The following XYLT1 variants were observed in gnomAD, a reference collection of about 807,000 sequenced individuals.
XYLT1 encodes the protein xylosyltransferase 1.
Under a neutral mutation model 91.3 loss-of-function variants are expected in XYLT1, and 36 were observed. The observed-to-expected ratio is 0.39, with a 90% CI of 0.30 to 0.52. The LOEUF (loss-of-function observed/expected upper bound fraction) is 0.52. Among genes scored for constraint, XYLT1 ranks in the 20% least tolerant of loss-of-function variants. XYLT1 has a pLI of 0.68. For synonymous variants in XYLT1, 588 were observed against 532.0 expected (o/e 1.11, Z -1.45); for missense variants, 1,242 against 1,284.5 (o/e 0.97, Z 0.51).
rs553381965 is a variant in XYLT1, at chr16:17,186,971, C to T, written c.1289+11241G>A. On this transcript the variant is annotated intron_variant, in intron 5 of 11. Transcript: ENST00000261381. ...AATACGCAAGGTGCAGATGGAGCAG[C>T]AAGGAAGGGGGCACACAGGCTTCCA... is the stretch of plus-strand genomic sequence containing the variant. Among the ~76,000 whole-genome samples the T allele has an allele frequency of 1.3e-3, 201 of 152,202 alleles. 6 individuals are homozygous for T. In the South Asian group the frequency reaches 0.04, roughly 31 times the overall value.
intron 6 of XYLT1, among the ~76,000 whole-genome samples, chr16:17,155,050 G>A (rs940340058): frequency 6.6e-6 from 1 of 152,132 alleles, no homozygotes; most frequent in African/African-American, 2.4e-5. Context: ...TTTTTCAAAG[G>A]GAGAAAATGA....
intron 2 of XYLT1, among the ~76,000 whole-genome samples, chr16:17,356,157 A>G (rs2035292027): frequency 6.6e-6 from 1 of 152,128 alleles, no homozygotes; most frequent in Non-Finnish European, 1.5e-5. Context: ...GACGTTGCCA[A>G]ATAACCACTG....
intron 2 of XYLT1, among the ~76,000 whole-genome samples, chr16:17,330,516 G>A (rs1329797213): frequency 2.6e-5 from 4 of 152,156 alleles, no homozygotes; most frequent in Non-Finnish European, 4.4e-5. Context: ...GCCAGGCATG[G>A]TGGCTCACAC....
intron 3 of XYLT1, among the ~76,000 whole-genome samples, chr16:17,228,203 G>C (rs905381809): frequency 2.0e-5 from 3 of 152,204 alleles, no homozygotes; most frequent in African/African-American, 7.2e-5. Context: ...AAATGAGAAA[G>C]ACAGCTCCTT....
chr16:17,375,952 C>T (rs2035595699), intron 1 of XYLT1, among the ~76,000 whole-genome samples: 1 of 152,244 alleles, frequency 6.6e-6, no homozygotes, highest in African/African-American at 2.4e-5. Flanking sequence ...CATCACTGCA[C>T]CACCATTACC....
At chr16:17,391,006 C>T (rs1050723571) in intron 1 of XYLT1, among the ~76,000 whole-genome samples, 13 of 152,138 alleles carry the variant, frequency 8.5e-5, no homozygotes, top group African/African-American at 2.9e-4. Flanking sequence ...CCATTGCACT[C>T]CAGCATGGGC....
intron 3 of XYLT1, chr16:17,250,698 A>G (rs928099946): frequency 6.6e-6 from 1 of 152,124 alleles, no homozygotes; most frequent in African/African-American, 2.4e-5. Flanking sequence ...GTTTTGTCCA[A>G]CTCCAATGAA....
At chr16:17,150,327 A>C (rs1043867557) in intron 6 of XYLT1, among the ~76,000 whole-genome samples, 1 of 152,246 alleles carries the variant, frequency 6.6e-6, no homozygotes, top group Non-Finnish European at 1.5e-5. Flanking sequence ...CTGGAAGATC[A>C]AGAATGCTTG....
chr16:17,379,761 T>TTTCACACACACACACACA (rs1555501200), intron 1 of XYLT1, among the ~76,000 whole-genome samples: 2 of 117,680 alleles, frequency 1.7e-5, no homozygotes, highest in African/African-American at 7.7e-5. Flanking sequence ...TCTCTCTCTC[T>TTTCACACACACACACACA]CTCACACACA....
chr16:17,469,028 C>A (rs2036940199), intron 1 of XYLT1, among the ~76,000 whole-genome samples: 1 of 152,204 alleles, frequency 6.6e-6, no homozygotes, highest in Admixed American at 6.5e-5. Flanking sequence ...GCAGCTCACG[C>A]CACTATTCTC....
intron 1 of XYLT1, among the ~76,000 whole-genome samples, chr16:17,403,949 G>A (rs1596527958): frequency 6.6e-6 from 1 of 152,216 alleles, no homozygotes; most frequent in African/African-American, 2.4e-5. Context: ...CCAGGTGGGA[G>A]CCATCCACTA....
At chr16:17,317,828 C>T (rs74013011) in intron 2 of XYLT1, among the ~76,000 whole-genome samples, 19 of 152,172 alleles carry the variant, frequency 1.2e-4, no homozygotes, top group African/African-American at 4.3e-4. Context: ...TCCTCTCACT[C>T]ATCAATATGT....
intron 5 of XYLT1, among the ~76,000 whole-genome samples, chr16:17,174,009 G>A (rs1185392791): frequency 6.6e-6 from 1 of 152,144 alleles, no homozygotes. Context: ...GCTGCAATGT[G>A]CAGTCATCAA....
At chr16:17,470,394 C>G in intron 1 of XYLT1, 40 bp downstream of exon 1, 1 of 1,220,992 alleles carries the variant, frequency 8.2e-7, no homozygotes, top group Non-Finnish European at 1.0e-6. Context: ...TGCCTTCCTC[C>G]CTCCCTCGCC....
At chr16:17,345,011 A>G (rs1011448622) in intron 2 of XYLT1, among the ~76,000 whole-genome samples, 1 of 152,154 alleles carries the variant, frequency 6.6e-6, no homozygotes, top group African/African-American at 2.4e-5. Context: ...GGCCTAACAC[A>G]GGCAAGTCCA....
chr16:17,166,000 G>C (rs1283620039), intron 5 of XYLT1, among the ~76,000 whole-genome samples: 1 of 152,236 alleles, frequency 6.6e-6, no homozygotes, highest in Non-Finnish European at 1.5e-5. Context: ...AGCATGGGGA[G>C]GAAGAAGGAA....
intron 1 of XYLT1, among the ~76,000 whole-genome samples, chr16:17,424,533 C>T (rs545166625): frequency 1.7e-4 from 26 of 152,028 alleles, no homozygotes; most frequent in East Asian, 5.8e-4. Flanking sequence ...AAACCATGAC[C>T]GGGGAGTGTT....
chr16:17,365,987 T>C (rs1176283324), intron 1 of XYLT1, among the ~76,000 whole-genome samples: 1 of 151,960 alleles, frequency 6.6e-6, no homozygotes, highest in Non-Finnish European at 1.5e-5. Flanking sequence ...CCTGAAAAGA[T>C]TAGAGGCTTG....
chr16:17,203,224 G>C (rs1442001773), intron 3 of XYLT1, among the ~76,000 whole-genome samples: 1 of 149,334 alleles, frequency 6.7e-6, no homozygotes, highest in Non-Finnish European at 1.5e-5. Context: ...TACTTTGTAA[G>C]TTAGTTATTG....
Sources: gnomAD v4.1 joint callset for allele counts (sites outside exome capture counted in the v4.1 genomes callset) on GRCh38, gnomAD v4.1.1 for gene constraint, MANE v1.5 for transcripts, NCBI Gene and HGNC (gene_info 2026-07-23, HGNC 2026-07-21) for gene names.